Variants in MACROD1 observed in about 807,000 individuals in gnomAD.
MACROD1 encodes the protein ADP-ribose glycohydrolase MACROD1.
In MACROD1, 31 loss-of-function variants were observed where a neutral mutation model predicts 41.4. The observed-to-expected ratio is 0.75, with a 90% confidence interval of 0.56 to 1.01. MACROD1 has a LOEUF of 1.01. Ranked by LOEUF, MACROD1 falls within the 50% of genes least tolerant of loss-of-function variation. The pLI, the probability that MACROD1 is intolerant of heterozygous loss-of-function variation, is 0.00. For synonymous variants in MACROD1, 252 were observed against 203.4 expected, an observed-to-expected ratio of 1.24 and a Z score of -2.03; for missense variants, 473 against 460.0, an observed-to-expected ratio of 1.03 and a Z score of -0.26.
In MACROD1 at chr11:64,036,005, CCA is replaced by C. The variant is rs1452493063; in HGVS notation, c.518-20726_518-20725del. On this transcript the variant is annotated intron_variant, in intron 3 of 10. Coordinates refer to ENST00000255681, the MANE Select transcript of MACROD1 (RefSeq NM_014067.4). The surrounding 1 kb of genome is among the most constrained non-coding windows in gnomAD (Gnocchi z 5.6). ...CCGCGCGCCCCCCGCTCCGGGCCCGCCACCGTGCTCTGCCGCGCGCCGGGGGC... is the reference window on the plus strand; with the variant it reads ...CCGCGCGCCCCCCGCTCCGGGCCCGCCCGTGCTCTGCCGCGCGCCGGGGGC... The C allele has an allele frequency of 2.0e-5, 3 of 150,942 alleles. No individual in the cohort carries two copies. Among genetic ancestry groups the C allele is most frequent in the Non-Finnish European group, 3.0e-5 (2 of 67,694 alleles). The allele number at this position is 150,942 out of a possible 1,614,324, so 9.4% of individuals were successfully genotyped here.
intron 3 of MACROD1, among the ~76,000 whole-genome samples, chr11:64,113,700 T>G (rs553672012): frequency 1.2e-4 from 17 of 147,214 alleles, no homozygotes; most frequent in African/African-American, 4.3e-4. Context: ...GGTGGATGGA[T>G]GGACGGACAG....
chr11:64,141,373 G>C (rs575751331), intron 3 of MACROD1, among the ~76,000 whole-genome samples: 2 of 152,208 alleles, frequency 1.3e-5, no homozygotes, highest in Admixed American at 1.3e-4. Flanking sequence ...CACAGACATT[G>C]CCATCTGCAC....
chr11:64,074,286 T>TTCCC (rs1224178837), intron 3 of MACROD1, among the ~76,000 whole-genome samples: 2 of 152,168 alleles, frequency 1.3e-5, no homozygotes, highest in African/African-American at 2.4e-5. Flanking sequence ...TGAGGAAGGT[T>TTCCC]TCCCCACCTT....
rs1590807505 is a variant in MACROD1 at position 64,021,950 on chromosome 11, G to T, written c.518-6669C>A. Among the ~76,000 whole-genome samples, 8 of 61,012 alleles carry T rather than the reference G, an allele frequency of 1.3e-4. 1 individual carries two copies. The highest frequency in any genetic ancestry group is 5.0e-4 in the African/African-American group (8 of 15,964). The allele number at this position is 61,012 out of a possible 152,430, so 40.0% of individuals were successfully genotyped here. A position where few individuals can be genotyped will look rare whatever the true frequency, so the allele number is the denominator to read the frequency against. Reference sequence around the variant, plus strand: ...CAGGGGGCCGGGGGGGGGGGGGGGGGGTGTGAGGTGGCGGCGGGCAGTGGA... The same window carrying T: ...CAGGGGGCCGGGGGGGGGGGGGGGGTGTGTGAGGTGGCGGCGGGCAGTGGA... On this transcript the variant is annotated intron_variant, in intron 3 of 10. Coordinates refer to ENST00000255681, the MANE Select transcript of MACROD1 (RefSeq NM_014067.4).
At chr11:64,047,436 T>C (rs1943605838) in intron 3 of MACROD1, among the ~76,000 whole-genome samples, 1 of 152,124 alleles carries the variant, frequency 6.6e-6, no homozygotes, top group Admixed American at 6.5e-5. Context: ...CCCTGTCCTG[T>C]TCCGTTTCAC....
At chr11:64,074,738 C>T (rs1018912319) in intron 3 of MACROD1, among the ~76,000 whole-genome samples, 1 of 152,196 alleles carries the variant, frequency 6.6e-6, no homozygotes, top group East Asian at 1.9e-4. Flanking sequence ...GCCCCAGAGG[C>T]CCAGGGGTGA....
intron 3 of MACROD1, among the ~76,000 whole-genome samples, chr11:64,097,812 C>T (rs543193576): frequency 6.6e-6 from 1 of 152,290 alleles, no homozygotes; most frequent in East Asian, 1.9e-4. Flanking sequence ...CCTTCCTGCT[C>T]CTGCTCAGGC....
At chr11:64,165,079 G>A (rs971255355) in intron 1 of MACROD1, among the ~76,000 whole-genome samples, 1 of 152,226 alleles carries the variant, frequency 6.6e-6, no homozygotes, top group African/African-American at 2.4e-5. Context: ...AGAGGCCAGC[G>A]AGAAGGGGAA....
intron 3 of MACROD1, among the ~76,000 whole-genome samples, chr11:64,057,602 G>C (rs1039539939): frequency 2.0e-5 from 3 of 152,088 alleles, no homozygotes; most frequent in Admixed American, 6.5e-5. Flanking sequence ...CACTGCCCGA[G>C]CAGGACCTAC....
chr11:64,075,403 A>T (rs1944182776), intron 3 of MACROD1, among the ~76,000 whole-genome samples: 1 of 152,244 alleles, frequency 6.6e-6, no homozygotes, highest in Non-Finnish European at 1.5e-5. Context: ...TCATTTCTTC[A>T]TTGCAATCCA....
intron 3 of MACROD1, among the ~76,000 whole-genome samples, chr11:64,058,130 C>T (rs536009503): frequency 6.6e-6 from 1 of 152,390 alleles, no homozygotes; most frequent in East Asian, 1.9e-4. Context: ...CTTACTGCAG[C>T]CCCCAGCGAC....
chr11:63,999,636 C>G lies in MACROD1; in HGVS notation c.786+6G>C. 2 of 1,609,756 alleles carry G rather than the reference C, an allele frequency of 1.2e-6. No individual in the cohort carries two copies. The highest frequency in any genetic ancestry group is 8.5e-7 in the Non-Finnish European group (1 of 1,178,998). ...CTCCCGCCCTCCCCCGCGGGCCGTC[C>G]CTCACCACCGAGCGGAGCCGGTGCT... On this transcript the variant is annotated splice_donor_region_variant and intron_variant, in intron 6 of 10. Transcript: ENST00000255681.
intron 3 of MACROD1, among the ~76,000 whole-genome samples, chr11:64,037,907 G>A (rs1943413179): frequency 6.6e-6 from 1 of 152,192 alleles, no homozygotes; most frequent in African/African-American, 2.4e-5. Context: ...GCCTGAGCCA[G>A]GGTGCTGCTT....
Position 63,999,030 on chromosome 11 carries a change from G to T in MACROD1, c.898C>A (p.Arg300=). 1.2e-6 allele frequency: 2 copies of T among 1,603,406 alleles called. No homozygotes were observed. Among genetic ancestry groups the T allele is most frequent in the Non-Finnish European group, 1.7e-6 (2 of 1,175,874 alleles). ...TCGAGGAACACGCAGATGATCAGCCGGTCCACCTGCGCCAGGGGCTGCTCA... is the reference window on the plus strand; with the variant it reads ...TCGAGGAACACGCAGATGATCAGCCTGTCCACCTGCGCCAGGGGCTGCTCA... ...WLEQHKDKVD[R]LIICVFLEKD... is the part of the protein sequence containing the mutation. Residue 300 remains arginine, a synonymous_variant, in exon 9 of 11, where the codon CGG becomes AGG. Transcript: ENST00000255681.
intron 1 of MACROD1, among the ~76,000 whole-genome samples, chr11:64,163,142 C>T (rs12794114): frequency 7.3e-5 from 11 of 150,008 alleles, no homozygotes; most frequent in Middle Eastern, 3.4e-3. Flanking sequence ...AACAAACAAA[C>T]AAACAAACAA....
chr11:64,076,256 C>G (rs1944198322), intron 3 of MACROD1, among the ~76,000 whole-genome samples: 2 of 152,208 alleles, frequency 1.3e-5, no homozygotes, highest in African/African-American at 2.4e-5. Context: ...CCAGCCCTCA[C>G]CAGGTGCCCC....
At chr11:64,001,478 C>G (rs985105864) in intron 4 of MACROD1, 1 of 702,342 alleles carries the variant, frequency 1.4e-6, no homozygotes, top group African/African-American at 1.7e-5. Context: ...AGGCCACCTT[C>G]TCCTTCATCA....
rs187295437 is a variant in MACROD1, at chr11:64,146,392, C to G, written c.517+4847G>C. Among the ~76,000 whole-genome samples the G allele has an allele frequency of 1.9e-3, 294 of 152,324 alleles. No individual in the cohort carries two copies. Among genetic ancestry groups the G allele is most frequent in the Non-Finnish European group, 2.9e-3 (199 of 68,028 alleles). ...GGCCTGCGGGGGCTCCCTGGCTTATCTCCTGCACATGGCAGCCCAATTTCA... is the reference window on the plus strand; with the variant it reads ...GGCCTGCGGGGGCTCCCTGGCTTATGTCCTGCACATGGCAGCCCAATTTCA... On this transcript the variant is annotated intron_variant, in intron 3 of 10. Transcript: ENST00000255681. This position sits in a 1 kb window ranked among gnomAD's most constrained non-coding sequence, Gnocchi z 4.7.
chr11:64,035,723 C>CCGCCCGCTG (rs1943363401), intron 3 of MACROD1, among the ~76,000 whole-genome samples: 6 of 144,600 alleles, frequency 4.1e-5, no homozygotes, highest in Admixed American at 3.4e-4. Context: ...GTCCTCCTCC[C>CCGCCCGCTG]CCTCCCCTCC....
Sources: gnomAD v4.1 joint callset for allele counts (sites outside exome capture counted in the v4.1 genomes callset) on GRCh38, gnomAD v4.1.1 for gene constraint, Gnocchi (gnomAD v3.1) non-coding constraint, MANE v1.5 for transcripts, NCBI Gene and HGNC (gene_info 2026-07-23, HGNC 2026-07-21) for gene names.